The following SLIT2 variants were observed in gnomAD, a reference collection of about 807,000 sequenced individuals.
SLIT2 encodes the protein slit homolog 2 protein.
Under a neutral mutation model 185.7 loss-of-function variants are expected in SLIT2, and 41 were observed. The ratio of observed to expected loss-of-function variants is 0.22; its 90% CI spans 0.17 to 0.29. SLIT2 has a LOEUF of 0.29. SLIT2 is among the 10% of genes least tolerant of loss of function. SLIT2 has a pLI of 1.00. For missense variants in SLIT2, 1,571 were observed against 1,909.0 expected (o/e 0.82, Z 3.30); for synonymous variants, 693 against 680.2 (o/e 1.02, Z -0.29).
chr4:20,335,804 T>C (rs922754867), intron 4 of SLIT2, among the ~76,000 whole-genome samples: 3 of 152,142 alleles, frequency 2.0e-5, no homozygotes, highest in Admixed American at 2.0e-4. Flanking sequence ...GTCTAAGGAC[T>C]CATAGGCCAT....
chr4:20,325,196 G>A (rs1719460784), intron 4 of SLIT2, among the ~76,000 whole-genome samples: 1 of 151,718 alleles, frequency 6.6e-6, no homozygotes, highest in South Asian at 2.1e-4. Flanking sequence ...AAGCAATGGT[G>A]GAAGATGGCT....
intron 4 of SLIT2, chr4:20,394,912 C>G (rs1473765782): frequency 2.0e-5 from 3 of 151,892 alleles, no homozygotes; most frequent in African/African-American, 7.3e-5. Flanking sequence ...TTATTTATCT[C>G]GATAGTGCAC....
At chr4:20,450,235 T>A (rs1368171800) in intron 4 of SLIT2, among the ~76,000 whole-genome samples, 1 of 152,202 alleles carries the variant, frequency 6.6e-6, no homozygotes, top group East Asian at 1.9e-4. Flanking sequence ...ATGAGAACAG[T>A]GTTGCATATC....
intron 4 of SLIT2, among the ~76,000 whole-genome samples, chr4:20,411,156 AT>A (rs1438889384): frequency 1.3e-5 from 2 of 152,026 alleles, no homozygotes; most frequent in Non-Finnish European, 2.9e-5. Flanking sequence ...AGTCCTAGGT[AT>A]TTTATTCTTT....
chr4:20,364,578 A>G (rs1288652249), intron 4 of SLIT2, among the ~76,000 whole-genome samples: 1 of 152,116 alleles, frequency 6.6e-6, no homozygotes, highest in Non-Finnish European at 1.5e-5. Context: ...GTGTAATTAT[A>G]CTTAATTTTT....
chr4:20,569,039 G>A, intron 29 of SLIT2, 35 bp downstream of exon 29: 1 of 1,584,222 alleles, frequency 6.3e-7, no homozygotes, highest in Non-Finnish European at 8.7e-7. Context: ...CCTTCCATCA[G>A]TATATCTGTT....
At chr4:20,602,070 T>C (rs1728452687) in intron 33 of SLIT2, among the ~76,000 whole-genome samples, 1 of 152,172 alleles carries the variant, frequency 6.6e-6, no homozygotes, top group African/African-American at 2.4e-5. Context: ...ATTAATTCTA[T>C]AGGGTATTTT....
At chr4:20,466,226 T>C (rs1714338052) in intron 4 of SLIT2, among the ~76,000 whole-genome samples, 1 of 152,124 alleles carries the variant, frequency 6.6e-6, no homozygotes, top group African/African-American at 2.4e-5. Context: ...TATATATTGT[T>C]AAATATTATT....
intron 9 of SLIT2, among the ~76,000 whole-genome samples, chr4:20,507,921 T>C (rs948987395): frequency 5.3e-5 from 8 of 152,030 alleles, no homozygotes; most frequent in Non-Finnish European, 1.0e-4. Flanking sequence ...GCTCGTATTC[T>C]CTGTATTTTT....
chr4:20,263,452 G>C (rs556002096), intron 3 of SLIT2, among the ~76,000 whole-genome samples: 1 of 151,748 alleles, frequency 6.6e-6, no homozygotes, highest in Non-Finnish European at 1.5e-5. Flanking sequence ...AGGTTCTAGA[G>C]TAAAAGCACA....
intron 4 of SLIT2, among the ~76,000 whole-genome samples, chr4:20,295,350 C>T (rs559273704): frequency 7.0e-4 from 107 of 152,268 alleles, no homozygotes; most frequent in African/African-American, 2.4e-3. Context: ...AATTTGAAAA[C>T]CTTTGTTGGT....
rs1577885943 is a variant in SLIT2, at chr4:20,539,432, TCCCCTCAGGA to T, written c.1833-8_1834del. On this transcript the variant is annotated splice_acceptor_variant and splice_polypyrimidine_tract_variant and coding_sequence_variant and intron_variant, in exon 19 of 37. Coordinates refer to ENST00000504154, the MANE Select transcript of SLIT2 (RefSeq NM_004787.4). LOFTEE classifies it high-confidence loss of function. ...TGTCTCCATAACAATGTCCTTTTTT[TCCCCTCAGGA>T]TGTTGAGAAGCAATCGAATAACCTG... is the stretch of plus-strand genomic sequence containing the variant. 2 of 1,607,698 alleles carry T rather than the reference TCCCCTCAGGA, an allele frequency of 1.2e-6. No individual in the cohort carries two copies. Among genetic ancestry groups the T allele is most frequent in the Non-Finnish European group, 8.5e-7 (1 of 1,177,716 alleles).
intron 4 of SLIT2, among the ~76,000 whole-genome samples, chr4:20,302,959 T>C (rs1368519191): frequency 7.2e-6 from 1 of 139,168 alleles, no homozygotes; most frequent in Non-Finnish European, 1.6e-5. Context: ...TCTTATCCCA[T>C]TATCTACATT....
intron 4 of SLIT2, among the ~76,000 whole-genome samples, chr4:20,395,269 C>A (rs1313025378): frequency 2.6e-5 from 4 of 151,916 alleles, no homozygotes; most frequent in Non-Finnish European, 5.9e-5. Flanking sequence ...TGCCCTCTCC[C>A]AGCATAAGGA....
chr4:20,424,108 A>G (rs537095825), intron 4 of SLIT2, among the ~76,000 whole-genome samples: 33 of 152,174 alleles, frequency 2.2e-4, no homozygotes, highest in Non-Finnish European at 4.0e-4. Context: ...GGCATAGAAC[A>G]TACGTGGAAC....
chr4:20,511,420 CTTT>C (rs1040955182), intron 11 of SLIT2, among the ~76,000 whole-genome samples: 5 of 122,056 alleles, frequency 4.1e-5, no homozygotes, highest in Non-Finnish European at 7.0e-5. Flanking sequence ...TTTTTTATTT[CTTT>C]TTTTTTTTTT....
intron 9 of SLIT2, among the ~76,000 whole-genome samples, chr4:20,495,123 C>T (rs1718118526): frequency 6.6e-6 from 1 of 152,130 alleles, no homozygotes; most frequent in African/African-American, 2.4e-5. Context: ...AGTGGTAGGT[C>T]AATGAGCCAC....
Position 20,619,139 on chromosome 4 carries a change from A to G in SLIT2, c.*130A>G. On this transcript the variant is annotated 3_prime_UTR_variant, in exon 37 of 37. Coordinates refer to ENST00000504154, the MANE Select transcript of SLIT2 (RefSeq NM_004787.4). The stretch of plus-strand genomic sequence containing the variant: ...ACAGAACAGACTTATTTTTATTATG[A>G]GAATAAAGACTTTTTTTCTGCATTT... 1.1e-6 allele frequency: 1 copy of G among 947,576 alleles called. No individual in the cohort carries two copies. Among genetic ancestry groups the G allele is most frequent in the Non-Finnish European group, 1.5e-6 (1 of 676,556 alleles). The allele number at this position is 947,576 out of a possible 1,614,324, so 58.7% of individuals were successfully genotyped here.
intron 5 of SLIT2, among the ~76,000 whole-genome samples, chr4:20,468,315 A>T (rs1258887684): frequency 6.6e-6 from 1 of 152,134 alleles, no homozygotes; most frequent in Non-Finnish European, 1.5e-5. Context: ...CCTGTAGCCT[A>T]GAGCTACAGC....
Sources: gnomAD v4.1 joint callset for allele counts (sites outside exome capture counted in the v4.1 genomes callset) on GRCh38, gnomAD v4.1.1 for gene constraint, MANE v1.5 for transcripts, NCBI Gene and HGNC (gene_info 2026-07-23, HGNC 2026-07-21) for gene names.